Variants in LTBP2 observed in about 807,000 individuals in gnomAD.
LTBP2 encodes the protein latent transforming growth factor beta binding protein 2.
A neutral mutation model predicts 210.6 loss-of-function variants in LTBP2; 103 were observed. The observed-to-expected ratio is 0.49, with a 90% confidence interval of 0.42 to 0.58. The LOEUF (loss-of-function observed/expected upper bound fraction) is 0.58, where lower values mean the gene tolerates loss of function less well. Ranked by LOEUF, LTBP2 falls within the 20% of genes least tolerant of loss-of-function variation. The pLI, the probability that LTBP2 is intolerant of heterozygous loss-of-function variation, is 0.00. For synonymous variants in LTBP2, 1,007 were observed against 1,015.0 expected, an observed-to-expected ratio of 0.99 and a Z score of 0.15; for missense variants, 2,313 against 2,494.5, an observed-to-expected ratio of 0.93 and a Z score of 1.55.
chr14:74,566,319 G>A (rs1017509006), intron 3 of LTBP2, among the ~76,000 whole-genome samples: 4 of 152,200 alleles, frequency 2.6e-5, no homozygotes, highest in Non-Finnish European at 5.9e-5. Flanking sequence ...GAAGGCATCT[G>A]GAAGGGAGCA....
intron 17 of LTBP2, among the ~76,000 whole-genome samples, chr14:74,520,975 A>G (rs1315004074): frequency 6.6e-6 from 1 of 152,250 alleles, no homozygotes; most frequent in Non-Finnish European, 1.5e-5. Flanking sequence ...TGCCTGGCAC[A>G]TAGGTGGTGC....
chr14:74,595,832 G>A lies in LTBP2; in HGVS notation c.565+7803C>T, dbSNP rs140602046. On this transcript the variant is annotated intron_variant, in intron 2 of 35. Coordinates refer to ENST00000261978, the MANE Select transcript of LTBP2 (RefSeq NM_000428.3). ...TTCAAACGCACGATTTGCCAGGATG[G>A]CAAACAAGAGAGACTGTCCTTTTGG... 2.8e-3 allele frequency among the ~76,000 whole-genome samples: 430 copies of A among 152,320 alleles called. 21 individuals carry two copies. The East Asian group carries it at 0.074, about 26-fold the overall frequency.
intron 34 of LTBP2, chr14:74,501,949 T>A: frequency 2.8e-6 from 1 of 362,120 alleles, no homozygotes; most frequent in South Asian, 2.7e-5. Context: ...GTGTTTTGTT[T>A]AAACCTTCAC....
chr14:74,611,990 C>G lies in LTBP2; in HGVS notation c.-46G>C, dbSNP rs886050761. On this transcript the variant is annotated 5_prime_UTR_variant, in exon 1 of 36. Transcript: ENST00000261978. ...TGGTGCGCGCGGGCACCGCGAAGAG[C>G]TTTGTGGTCGGCACGCTGGACGCCC... The G allele has an allele frequency of 9.5e-5, 141 of 1,490,044 alleles. 1 individual carries two copies. The East Asian group carries it at 3.5e-3, about 37-fold the overall frequency. The allele number at this position is 1,490,044 out of a possible 1,614,324, so 92.3% of individuals were successfully genotyped here.
intron 1 of LTBP2, among the ~76,000 whole-genome samples, chr14:74,605,941 C>T (rs1178468141): frequency 6.6e-6 from 1 of 152,166 alleles, no homozygotes; most frequent in African/African-American, 2.4e-5. Context: ...TCTAAGGATC[C>T]CTACAGGCCA....
chr14:74,522,073 G>A lies in LTBP2; in HGVS notation c.2660-34C>T, dbSNP rs1338145699. 5 of 1,600,308 alleles carry A rather than the reference G, an allele frequency of 3.1e-6. No individual in the cohort carries two copies. The South Asian group carries it at 4.5e-5, about 14-fold the overall frequency. On this transcript the variant is annotated intron_variant, in intron 16 of 35. Transcript: ENST00000261978. Reference sequence around the variant, plus strand: ...AAGAAGGCAGGGAGGGAGGTCAGGGGGGCCAGCGGTGCCGTTCTTTGGGCA... The same window carrying A: ...AAGAAGGCAGGGAGGGAGGTCAGGGAGGCCAGCGGTGCCGTTCTTTGGGCA...
intron 1 of LTBP2, among the ~76,000 whole-genome samples, chr14:74,605,782 AG>A (rs1038437540): frequency 8.5e-5 from 13 of 152,282 alleles, no homozygotes; most frequent in African/African-American, 2.9e-4. Context: ...GTGGGAGGGC[AG>A]GGGCCAACCT....
intron 18 of LTBP2, among the ~76,000 whole-genome samples, chr14:74,511,775 A>G (rs1356812123): frequency 1.3e-5 from 2 of 152,190 alleles, no homozygotes; most frequent in Non-Finnish European, 2.9e-5. Context: ...AGGCTCCACA[A>G]TAGATCATCG....
At chr14:74,596,217 G>T (rs1376264966) in intron 2 of LTBP2, among the ~76,000 whole-genome samples, 1 of 117,274 alleles carries the variant, frequency 8.5e-6, no homozygotes, top group Non-Finnish European at 2.0e-5. Context: ...AGAGCCAGAT[G>T]CTGTTTCAAA....
intron 18 of LTBP2, 37 bp downstream of exon 18, chr14:74,516,784 TG>T (rs1220748143): frequency 2.3e-6 from 3 of 1,308,300 alleles, no homozygotes; most frequent in East Asian, 3.2e-5. Flanking sequence ...AGGTGGGTGG[TG>T]GGGTGGCAGG....
In LTBP2 at chr14:74,551,103, T is replaced by C; in HGVS notation, c.1647A>G (p.Gly549=). 1 of 1,613,806 alleles carries C rather than the reference T, an allele frequency of 6.2e-7. No homozygotes were observed. The highest frequency in any genetic ancestry group is 8.5e-7 in the Non-Finnish European group (1 of 1,180,020). The change falls in exon 7 of 36, where the codon GGA becomes GGG. Residue 549 remains glycine, a synonymous_variant. Transcript: ENST00000261978. ...PLPPAAPRPR[G]LLGRCYLNTV... The stretch of plus-strand genomic sequence containing the variant: ...TGTTCAGGTAACACCGGCCCAGCAG[T>C]CCTCGAGGCCTGGGTGCTGCTGGGG...
chr14:74,545,147 G>T (rs537068559), intron 8 of LTBP2, among the ~76,000 whole-genome samples: 2 of 152,222 alleles, frequency 1.3e-5, no homozygotes, highest in South Asian at 4.2e-4. Flanking sequence ...GGAGGCTCAG[G>T]TCTCCCCAGA....
chr14:74,606,839 C>T (rs192626428), intron 1 of LTBP2, among the ~76,000 whole-genome samples: 4 of 150,962 alleles, frequency 2.6e-5, no homozygotes, highest in Non-Finnish European at 5.9e-5. Context: ...AAGACTCCAT[C>T]TCAAAAAACA....
chr14:74,502,055 C>G, intron 34 of LTBP2: 1 of 279,230 alleles, frequency 3.6e-6, no homozygotes. Flanking sequence ...CCTCTTCACT[C>G]CCTAAGCACC....
At chr14:74,602,488 T>C (rs2088462119) in intron 2 of LTBP2, among the ~76,000 whole-genome samples, 1 of 152,032 alleles carries the variant, frequency 6.6e-6, no homozygotes, top group Admixed American at 6.6e-5. Flanking sequence ...AGGGTACAGG[T>C]ATTAAGAAGA....
rs200110059 is a variant in LTBP2, at chr14:74,502,874, T to C, written c.4949A>G (p.His1650Arg). 62 of 1,613,500 alleles carry C rather than the reference T, an allele frequency of 3.8e-5. No individual in the cohort carries two copies. Among genetic ancestry groups the C allele is most frequent in the Middle Eastern group, 1.7e-4 (1 of 5,744 alleles). Reference sequence around the variant, plus strand: ...GCCATACTCATAGCCTGGCCGGAAGTGGACCCCGGCCTCCCGCTCTGCCTC... The same window carrying C: ...GCCATACTCATAGCCTGGCCGGAAGCGGACCCCGGCCTCCCGCTCTGCCTC... ...RIEAEREAGV[H>R]FRPGYEYGPG... Residue 1650 changes from histidine to arginine, a missense_variant, in exon 34 of 36, where the codon CAC becomes CGC. Around this residue, in one of 3 missense-constraint regions of LTBP2, gnomAD observed 443 missense variants for 501.4 expected, o/e 0.88. Transcript: ENST00000261978.
Position 74,509,367 on chromosome 14 carries a change from C to T in LTBP2, c.3278-4G>A, listed in dbSNP as rs1365396587. The T allele has an allele frequency of 6.2e-7, 1 of 1,612,640 alleles. No homozygotes were observed. Among genetic ancestry groups the T allele is most frequent in the Non-Finnish European group, 8.5e-7 (1 of 1,179,624 alleles). On this transcript the variant is annotated splice_polypyrimidine_tract_variant and splice_region_variant and intron_variant, in intron 21 of 35. Transcript: ENST00000261978. ...GGGAAGGCACACTCATCTAGGTCTGCAGACAGACAGCGCTCGCCCGGGGAC... is the reference window on the plus strand; with the variant it reads ...GGGAAGGCACACTCATCTAGGTCTGTAGACAGACAGCGCTCGCCCGGGGAC...
intron 3 of LTBP2, among the ~76,000 whole-genome samples, chr14:74,568,334 G>T (rs1217362960): frequency 6.6e-6 from 1 of 152,164 alleles, no homozygotes; most frequent in Admixed American, 6.5e-5. Context: ...CAGAAGCCAG[G>T]AGTCTTATGG....
At position 74,561,446 on chromosome 14, in the gene LTBP2, A is replaced by C. The variant is rs538748208; in HGVS notation, c.831-5753T>G. Reference sequence around the variant, plus strand: ...AAACTGAGTTGCAGAATATATGGATAGTATGCTTCTAGTTTTGTGTTTTAA... The same window carrying C: ...AAACTGAGTTGCAGAATATATGGATCGTATGCTTCTAGTTTTGTGTTTTAA... On this transcript the variant is annotated intron_variant, in intron 3 of 35. Transcript: ENST00000261978. 5.9e-5 allele frequency among the ~76,000 whole-genome samples: 9 copies of C among 152,300 alleles called. No homozygotes were observed. In the South Asian group the frequency reaches 1.7e-3, roughly 28 times the overall value.
Sources: allele counts gnomAD v4.1 joint callset (sites outside exome capture counted in the v4.1 genomes callset), GRCh38; gene constraint gnomAD v4.1.1; regional missense constraint gnomAD v4.1.1; transcripts MANE v1.5; gene names NCBI Gene and HGNC (gene_info 2026-07-23, HGNC 2026-07-21).